ME1: variants seen among roughly 807,000 people sequenced by gnomAD.
ME1 encodes malic enzyme 1.
Under a neutral mutation model 66.4 loss-of-function variants are expected in ME1, and 74 were observed. That is an observed-to-expected ratio of 1.11 (90% CI 0.92 to 1.35). The LOEUF is 1.35. ME1 is among the 40% of genes most tolerant of loss of function. The probability of loss-of-function intolerance (pLI) is 0.00; values close to 1 mark genes in which losing one functional copy is unlikely to be tolerated. For synonymous variants in ME1, 251 were observed against 235.6 expected (o/e 1.07, Z -0.60); for missense variants, 750 against 694.1 (o/e 1.08, Z -0.90).
intron 7 of ME1, among the ~76,000 whole-genome samples, chr6:83,252,733 G>C (rs920603443): frequency 1.3e-5 from 2 of 152,160 alleles, no homozygotes; most frequent in Non-Finnish European, 2.9e-5. Context: ...AGCTGGCACT[G>C]AGCAGGTCAT....
chr6:83,384,531 T>G (rs1210749737), intron 3 of ME1, among the ~76,000 whole-genome samples: 3 of 151,836 alleles, frequency 2.0e-5, no homozygotes, highest in Non-Finnish European at 4.4e-5. Context: ...CTTATATTAA[T>G]AGATTCTGGA....
chr6:83,381,698 T>A (rs1769402843), intron 3 of ME1, among the ~76,000 whole-genome samples: 1 of 152,114 alleles, frequency 6.6e-6, no homozygotes, highest in Non-Finnish European at 1.5e-5. Flanking sequence ...TTGCTCCATA[T>A]CTTAAGAGGA....
Position 83,227,434 on chromosome 6 carries a change from T to C in ME1, c.1176A>G (p.Lys392=). The change falls in exon 11 of 14, where the codon AAA becomes AAG. Residue 392 remains lysine (K), a synonymous_variant. Transcript: ENST00000369705. ...IGGAFSEQIL[K]DMAAFNERPI... ...GCCGTTCATTGAAGGCAGCCATATC[T>C]TTGAGAATTTGTTCTGAGAATGCAC... 6.2e-7 allele frequency: 1 copy of C among 1,603,088 alleles called. No individual in the cohort carries two copies. The highest frequency in any genetic ancestry group is 8.5e-7 in the Non-Finnish European group (1 of 1,173,112).
intron 2 of ME1, among the ~76,000 whole-genome samples, chr6:83,405,216 C>T (rs1166421985): frequency 6.6e-6 from 1 of 152,120 alleles, no homozygotes; most frequent in Non-Finnish European, 1.5e-5. Context: ...TGAAGAGGTC[C>T]TTCACATCCC....
At chr6:83,342,101 T>G (rs1164896674) in intron 5 of ME1, among the ~76,000 whole-genome samples, 1 of 152,032 alleles carries the variant, frequency 6.6e-6, no homozygotes, top group Non-Finnish European at 1.5e-5. Context: ...TCTGATTGGT[T>G]GCTTTCTGCA....
intron 10 of ME1, 33 bp from the exon 11 acceptor site, chr6:83,227,510 C>T (rs747020508): frequency 2.0e-6 from 3 of 1,533,176 alleles, no homozygotes; most frequent in Non-Finnish European, 2.7e-6. Flanking sequence ...GTAATTAACA[C>T]TATCATTGGT....
chr6:83,213,339 A>T (rs893066136), intron 13 of ME1, among the ~76,000 whole-genome samples: 3 of 149,970 alleles, frequency 2.0e-5, no homozygotes, highest in African/African-American at 7.3e-5. Context: ...CAAGAGAATC[A>T]CTTGAACCCG....
At chr6:83,279,456 G>A (rs1227379308) in intron 6 of ME1, among the ~76,000 whole-genome samples, 9 of 152,108 alleles carry the variant, frequency 5.9e-5, no homozygotes, top group Admixed American at 2.6e-4. Context: ...TCTAAGAATC[G>A]AAAGGTAATG....
intron 3 of ME1, among the ~76,000 whole-genome samples, chr6:83,385,372 G>A (rs1348654759): frequency 1.3e-5 from 2 of 151,820 alleles, no homozygotes; most frequent in Non-Finnish European, 2.9e-5. Flanking sequence ...AATACCACCT[G>A]AGATAAAACT....
At chr6:83,320,549 T>C (rs879733513) in intron 5 of ME1, among the ~76,000 whole-genome samples, 10 of 152,216 alleles carry the variant, frequency 6.6e-5, no homozygotes, top group Admixed American at 2.0e-4. Flanking sequence ...GCATAAAAAC[T>C]TTAAACAATT....
chr6:83,294,461 T>G (rs115141954), intron 6 of ME1, among the ~76,000 whole-genome samples: 1 of 151,986 alleles, frequency 6.6e-6, no homozygotes, highest in Non-Finnish European at 1.5e-5. Flanking sequence ...AGGAGAATGG[T>G]CTTTCCTCCT....
chr6:83,255,228 A>C (rs1766742302), intron 6 of ME1, among the ~76,000 whole-genome samples: 1 of 151,872 alleles, frequency 6.6e-6, no homozygotes, highest in Non-Finnish European at 1.5e-5. Flanking sequence ...TGTCATTTGT[A>C]ATTTTTTCTG....
intron 3 of ME1, among the ~76,000 whole-genome samples, chr6:83,389,244 G>T (rs374209854): frequency 1.3e-5 from 2 of 152,120 alleles, no homozygotes; most frequent in African/African-American, 4.8e-5. Flanking sequence ...AACAGTAGGA[G>T]AAATAAAGAT....
intron 2 of ME1, among the ~76,000 whole-genome samples, chr6:83,404,009 G>T (rs1485811651): frequency 6.6e-6 from 1 of 151,964 alleles, no homozygotes; most frequent in African/African-American, 2.4e-5. Context: ...TAATTCTTTG[G>T]GTATATAACC....
intron 6 of ME1, among the ~76,000 whole-genome samples, chr6:83,310,707 G>A (rs1767913589): frequency 6.6e-6 from 1 of 151,982 alleles, no homozygotes; most frequent in South Asian, 2.1e-4. Flanking sequence ...AGATGTTTGA[G>A]AAATATGAGA....
chr6:83,398,249 T>A (rs897612070), intron 3 of ME1, 118 bp downstream of exon 3: 3 of 715,760 alleles, frequency 4.2e-6, no homozygotes, highest in African/African-American at 3.7e-5. Flanking sequence ...CTGTACATCA[T>A]AAATATATGC....
intron 8 of ME1, among the ~76,000 whole-genome samples, chr6:83,238,754 G>T (rs1180234): frequency 0.44 from 65,452 of 148,218 alleles, 15,109 homozygotes; most frequent in African/African-American, 0.56. Context: ...ACATATTGTT[G>T]TGTTCATAAT....
In ME1 at chr6:83,237,351, A is replaced by AAAAGAAAG. The variant is rs374053623; in HGVS notation, c.1026+358_1026+365dup. 4.9e-4 allele frequency among the ~76,000 whole-genome samples: 58 copies of AAAAGAAAG among 118,804 alleles called. 1 individual carries two copies. The highest frequency in any genetic ancestry group is 1.9e-3 in the African/African-American group (42 of 22,182). The allele number at this position is 118,804 out of a possible 152,430, so 77.9% of individuals were successfully genotyped here. A position where few individuals can be genotyped will look rare whatever the true frequency, so the allele number is the denominator to read the frequency against. On this transcript the variant is annotated intron_variant, in intron 9 of 13. Transcript: ENST00000369705. ...AAGGAAGGAAGGAAGGAAAGAAAGAAAAAGAAAGAAAGAAAGAAAGAAAAG... is the reference window on the plus strand; with the variant it reads ...AAGGAAGGAAGGAAGGAAAGAAAGAAAAAGAAAGAAAGAAAGAAAGAAAGAAAGAAAAG...
chr6:83,307,524 G>C (rs577862018), intron 6 of ME1, among the ~76,000 whole-genome samples: 1 of 152,172 alleles, frequency 6.6e-6, no homozygotes, highest in Non-Finnish European at 1.5e-5. Context: ...CTTATGAAAA[G>C]CAAAGTAACT....
Sources: allele counts gnomAD v4.1 joint callset (sites outside exome capture counted in the v4.1 genomes callset), GRCh38; gene constraint gnomAD v4.1.1; transcripts MANE v1.5; gene names NCBI Gene and HGNC (gene_info 2026-07-23, HGNC 2026-07-21).